The following MRPS28 variants were observed in gnomAD, a reference collection of about 807,000 sequenced individuals.
The protein encoded by MRPS28 is small ribosomal subunit protein bS1m.
In MRPS28, 7 loss-of-function variants were observed where a neutral mutation model predicts 10.8. The observed-to-expected ratio is 0.65, with a 90% CI of 0.37 to 1.22. The LOEUF is 1.22. Ranked by LOEUF, MRPS28 falls within the 50% of genes most tolerant of loss-of-function variation. The pLI is 0.02. For synonymous variants in MRPS28, 121 were observed against 93.3 expected (o/e 1.30, Z -1.71); for missense variants, 265 against 232.9 (o/e 1.14, Z -0.90).
intron 2 of MRPS28, among the ~76,000 whole-genome samples, chr8:79,985,991 T>C (rs368652959): frequency 4.9e-4 from 75 of 152,196 alleles, no homozygotes; most frequent in African/African-American, 1.7e-3. Context: ...AATTTTAGAC[T>C]AATATCCTTG....
chr8:80,013,841 A>C (rs1358718714), intron 1 of MRPS28, among the ~76,000 whole-genome samples: 1 of 152,132 alleles, frequency 6.6e-6, no homozygotes, highest in Admixed American at 6.6e-5. Context: ...CGCTCGCAAC[A>C]GAGTTCTTTT....
At chr8:79,989,248 A>G (rs1156243897) in intron 2 of MRPS28, among the ~76,000 whole-genome samples, 3 of 152,206 alleles carry the variant, frequency 2.0e-5, no homozygotes, top group Non-Finnish European at 4.4e-5. Context: ...TATAGAAAAA[A>G]TTTAAGGTAA....
intron 2 of MRPS28, among the ~76,000 whole-genome samples, 185 bp from the exon 3 acceptor site, chr8:79,919,333 A>G (rs1053632240): frequency 7.7e-6 from 1 of 130,528 alleles, no homozygotes; most frequent in Non-Finnish European, 1.6e-5. Context: ...AGCCCCCATC[A>G]CCCAACTTTT....
chr8:79,985,612 G>T (rs1237667600), intron 2 of MRPS28, among the ~76,000 whole-genome samples: 1 of 152,162 alleles, frequency 6.6e-6, no homozygotes, highest in African/African-American at 2.4e-5. Context: ...CGATCCCACA[G>T]AAATACAAAC....
intron 2 of MRPS28, among the ~76,000 whole-genome samples, chr8:79,968,705 G>A (rs758924110): frequency 6.6e-6 from 1 of 150,528 alleles, no homozygotes; most frequent in Non-Finnish European, 1.5e-5. Flanking sequence ...GGGACAGAGT[G>A]AGACTCTGTC....
At chr8:79,944,071 T>C (rs1806838381) in intron 2 of MRPS28, among the ~76,000 whole-genome samples, 1 of 152,220 alleles carries the variant, frequency 6.6e-6, no homozygotes, top group South Asian at 2.1e-4. Context: ...AAAATTTCAT[T>C]GGTGAAAACA....
chr8:80,013,634 C>CAAAAAAA (rs5892700), intron 1 of MRPS28, among the ~76,000 whole-genome samples: 11 of 75,582 alleles, frequency 1.5e-4, no homozygotes, highest in African/African-American at 3.2e-4. Context: ...GACTCCATCT[C>CAAAAAAA]AAAAAAAAAA....
intron 2 of MRPS28, among the ~76,000 whole-genome samples, chr8:79,954,263 T>C (rs1807149442): frequency 6.6e-6 from 1 of 152,064 alleles, no homozygotes; most frequent in African/African-American, 2.4e-5. Flanking sequence ...AAATATAGCC[T>C]CTTTGGAAAA....
In MRPS28 at chr8:79,973,143, T is replaced by C. The variant is rs561591531; in HGVS notation, c.395+29856A>G. ...TCCAAATGGGCTTATGATAAGCAAT[T>C]TGGGGAACAACAACTTTATACACAA... On this transcript the variant is annotated intron_variant, in intron 2 of 2. Transcript: ENST00000276585. Among the ~76,000 whole-genome samples the C allele has an allele frequency of 1.8e-3, 267 of 152,268 alleles. 1 individual carries two copies. The highest frequency in any genetic ancestry group is 6.3e-3 in the African/African-American group (261 of 41,542).
chr8:80,016,169 C>A (rs1327135233), intron 1 of MRPS28, among the ~76,000 whole-genome samples: 2 of 151,994 alleles, frequency 1.3e-5, no homozygotes, highest in African/African-American at 4.8e-5. Flanking sequence ...AGACACCAAA[C>A]CACAGATCCA....
intron 1 of MRPS28, chr8:80,029,703 C>T (rs1809596759): frequency 7.2e-7 from 1 of 1,391,542 alleles, no homozygotes; most frequent in African/African-American, 1.4e-5. Context: ...TCCCATTCTC[C>T]TTAGCGTCCC....
chr8:79,984,660 G>A (rs1808097405), intron 2 of MRPS28, among the ~76,000 whole-genome samples: 1 of 152,056 alleles, frequency 6.6e-6, no homozygotes, highest in East Asian at 1.9e-4. Context: ...AACCAACAAA[G>A]ATCAAAAGAG....
intron 2 of MRPS28, among the ~76,000 whole-genome samples, chr8:79,977,605 C>A (rs1215271968): frequency 2.6e-5 from 4 of 152,104 alleles, no homozygotes; most frequent in Non-Finnish European, 5.9e-5. Flanking sequence ...TCACTTGAGA[C>A]CAGGAGTTCG....
intron 2 of MRPS28, among the ~76,000 whole-genome samples, chr8:79,963,444 G>A (rs1192517785): frequency 6.6e-6 from 1 of 152,114 alleles, no homozygotes; most frequent in African/African-American, 2.4e-5. Flanking sequence ...ATAATTACCT[G>A]TTTGCATTAA....
chr8:79,948,430 C>T (rs1216836266), intron 2 of MRPS28, among the ~76,000 whole-genome samples: 1 of 152,228 alleles, frequency 6.6e-6, no homozygotes, highest in Non-Finnish European at 1.5e-5. Context: ...GACTGTTCCA[C>T]TTCTTCCTTT....
intron 2 of MRPS28, among the ~76,000 whole-genome samples, chr8:79,927,789 A>G (rs924417908): frequency 6.6e-6 from 1 of 152,208 alleles, no homozygotes; most frequent in Non-Finnish European, 1.5e-5. Context: ...TCCCTTTTGG[A>G]AAGCCAAATA....
chr8:80,005,006 C>A (rs1482444191), intron 1 of MRPS28, among the ~76,000 whole-genome samples: 1 of 152,228 alleles, frequency 6.6e-6, no homozygotes, highest in Non-Finnish European at 1.5e-5. Context: ...AAATCTACGT[C>A]TGATTGGTGT....
rs370962715 is a variant in MRPS28 at position 79,964,896 on chromosome 8, C to A, written c.395+38103G>T. On this transcript the variant is annotated intron_variant, in intron 2 of 2. Transcript: ENST00000276585. Reference sequence around the variant, plus strand: ...CCTACAGCGAAGGAAGTGCCATATTCATGACTACAAGAACATTCTTGCCAG... The same window carrying A: ...CCTACAGCGAAGGAAGTGCCATATTAATGACTACAAGAACATTCTTGCCAG... Among the ~76,000 whole-genome samples the A allele has an allele frequency of 2.7e-3, 409 of 152,170 alleles. 2 individuals carry two copies. The highest frequency in any genetic ancestry group is 9.5e-3 in the African/African-American group (395 of 41,536).
chr8:79,955,012 A>T (rs538012259), intron 2 of MRPS28, among the ~76,000 whole-genome samples: 7 of 152,228 alleles, frequency 4.6e-5, no homozygotes, highest in Admixed American at 2.0e-4. Context: ...AAAAAAAAAG[A>T]ATATTGGAAG....
Sources: gnomAD v4.1 joint callset for allele counts (sites outside exome capture counted in the v4.1 genomes callset) on GRCh38, gnomAD v4.1.1 for gene constraint, MANE v1.5 for transcripts, NCBI Gene and HGNC (gene_info 2026-07-23, HGNC 2026-07-21) for gene names.